Variants in ATXN1 observed in about 807,000 individuals in gnomAD.
ATXN1 encodes the protein ataxin 1.
In ATXN1, 8 loss-of-function variants were observed where a neutral mutation model predicts 56.4. The observed-to-expected ratio is 0.14, with a 90% CI of 0.08 to 0.26. The LOEUF is 0.26. ATXN1 is among the 10% of genes least tolerant of loss of function. The pLI is 1.00. For synonymous variants in ATXN1, 514 were observed against 494.6 expected (o/e 1.04, Z -0.52); for missense variants, 987 against 1,106.5 (o/e 0.89, Z 1.53).
At chr6:16,719,314 T>C (rs1161517405) in intron 2 of ATXN1, among the ~76,000 whole-genome samples, 2 of 152,224 alleles carry the variant, frequency 1.3e-5, no homozygotes, top group Admixed American at 6.5e-5. Context: ...AAAGAGCAAC[T>C]TTATTTCATT....
chr6:16,337,304 C>T lies in ATXN1; in HGVS notation c.-160-8834G>A, dbSNP rs987215957. Among the ~76,000 whole-genome samples, 4 of 152,214 alleles carry T rather than the reference C, an allele frequency of 2.6e-5. No individual in the cohort carries two copies. In the East Asian group the frequency reaches 7.7e-4, roughly 29 times the overall value. The stretch of plus-strand genomic sequence containing the variant: ...TCTGCCACCCCTGGAAACATCAGGA[C>T]ATCGGCCATGTGGCTGGGGTCCCCC... On this transcript the variant is annotated intron_variant, in intron 6 of 7. Transcript: ENST00000436367.
intron 4 of ATXN1, among the ~76,000 whole-genome samples, chr6:16,573,613 T>A (rs182932): frequency 0.028 from 4,188 of 152,258 alleles, 167 homozygotes; most frequent in African/African-American, 0.094. Flanking sequence ...CCTCCTGCAT[T>A]AACTTCACAT....
At chr6:16,722,336 A>G (rs1258635450) in intron 2 of ATXN1, among the ~76,000 whole-genome samples, 1 of 152,230 alleles carries the variant, frequency 6.6e-6, no homozygotes, top group Non-Finnish European at 1.5e-5. Flanking sequence ...AGAAAATGAA[A>G]TCTTGAGCTT....
intron 2 of ATXN1, among the ~76,000 whole-genome samples, chr6:16,735,695 G>A (rs1448503662): frequency 6.6e-6 from 1 of 152,134 alleles, no homozygotes; most frequent in Non-Finnish European, 1.5e-5. Flanking sequence ...AATACATTAA[G>A]TCCTAATATC....
chr6:16,435,768 TG>T (rs760401388), intron 6 of ATXN1, among the ~76,000 whole-genome samples: 13 of 152,182 alleles, frequency 8.5e-5, no homozygotes, highest in Non-Finnish European at 1.9e-4. Flanking sequence ...GGAAGTGGAC[TG>T]TTAGGGCCCA....
intron 4 of ATXN1, among the ~76,000 whole-genome samples, chr6:16,578,614 C>T (rs561983984): frequency 1.3e-5 from 2 of 152,286 alleles, no homozygotes; most frequent in South Asian, 4.1e-4. Context: ...CAGCTGAGTA[C>T]TTTCTGATGT....
chr6:16,634,763 T>C (rs1763563910), intron 3 of ATXN1, among the ~76,000 whole-genome samples: 1 of 152,222 alleles, frequency 6.6e-6, no homozygotes, highest in African/African-American at 2.4e-5. Flanking sequence ...TTTTTCCTGA[T>C]CAATATTCCA....
chr6:16,641,948 C>T (rs527933880), intron 3 of ATXN1, among the ~76,000 whole-genome samples: 78 of 152,154 alleles, frequency 5.1e-4, no homozygotes, highest in African/African-American at 1.6e-3. Context: ...TTCAAGACTT[C>T]GGTGGAGGAA....
chr6:16,482,795 T>C (rs999349875), intron 6 of ATXN1, among the ~76,000 whole-genome samples: 4 of 152,194 alleles, frequency 2.6e-5, no homozygotes, highest in African/African-American at 9.7e-5. Flanking sequence ...GTAATAACTC[T>C]TTTTTTCTTT....
At chr6:16,404,677 C>A (rs1214996133) in intron 6 of ATXN1, among the ~76,000 whole-genome samples, 1 of 150,760 alleles carries the variant, frequency 6.6e-6, no homozygotes, top group Admixed American at 6.6e-5. Flanking sequence ...GTGCACCATA[C>A]GCACATGCAC....
chr6:16,708,828 C>T (rs545331541), intron 2 of ATXN1, among the ~76,000 whole-genome samples: 1 of 152,212 alleles, frequency 6.6e-6, no homozygotes, highest in East Asian at 1.9e-4. Context: ...GAGTTCAAGA[C>T]CAGCCTGGCC....
At chr6:16,417,615 T>C (rs1758939915) in intron 6 of ATXN1, among the ~76,000 whole-genome samples, 1 of 151,952 alleles carries the variant, frequency 6.6e-6, no homozygotes, top group African/African-American at 2.4e-5. Context: ...ATTTTTTGTA[T>C]ATTTACTAGA....
At chr6:16,637,569 C>T (rs1045917554) in intron 3 of ATXN1, among the ~76,000 whole-genome samples, 7 of 152,022 alleles carry the variant, frequency 4.6e-5, no homozygotes, top group African/African-American at 1.7e-4. Flanking sequence ...AAGTCAACAG[C>T]TGTTTCTCCA....
intron 6 of ATXN1, among the ~76,000 whole-genome samples, chr6:16,387,208 A>C (rs1160878668): frequency 6.6e-6 from 1 of 152,052 alleles, no homozygotes; most frequent in Non-Finnish European, 1.5e-5. Flanking sequence ...AGCACTCTCA[A>C]CTAACCATGA....
At chr6:16,554,771 A>C (rs1045345679) in intron 4 of ATXN1, among the ~76,000 whole-genome samples, 1 of 151,590 alleles carries the variant, frequency 6.6e-6, no homozygotes, top group Non-Finnish European at 1.5e-5. Context: ...TTGTATTTTT[A>C]GTAGAGATAG....
intron 6 of ATXN1, among the ~76,000 whole-genome samples, chr6:16,346,993 C>T (rs1196580421): frequency 2.0e-5 from 3 of 152,364 alleles, no homozygotes; most frequent in South Asian, 4.1e-4. Flanking sequence ...CGGACCCCGC[C>T]GGCCCTAGGG....
chr6:16,751,891 A>G lies in ATXN1; in HGVS notation c.-615+1342T>C, dbSNP rs143782957. ...CTATTCTACCCACAGTATATCTACT[A>G]TTTTACTCCAGTCCATCCTCACAGC... On this transcript the variant is annotated intron_variant, in intron 2 of 7. Transcript: ENST00000436367. 2.6e-5 allele frequency among the ~76,000 whole-genome samples: 4 copies of G among 152,342 alleles called. No individual in the cohort carries two copies. The East Asian group carries it at 7.7e-4, about 29-fold the overall frequency.
chr6:16,487,854 G>A (rs1376370313), intron 5 of ATXN1, among the ~76,000 whole-genome samples: 5 of 152,144 alleles, frequency 3.3e-5, no homozygotes, highest in Non-Finnish European at 7.4e-5. Context: ...ACTAACATTC[G>A]AACAGGAAAG....
At chr6:16,684,316 G>A (rs1197171121) in intron 2 of ATXN1, among the ~76,000 whole-genome samples, 1 of 152,096 alleles carries the variant, frequency 6.6e-6, no homozygotes, top group African/African-American at 2.4e-5. Context: ...TGTTTTCTAG[G>A]GACTTATTGA....
Sources: allele counts gnomAD v4.1 joint callset (sites outside exome capture counted in the v4.1 genomes callset), GRCh38; gene constraint gnomAD v4.1.1; transcripts MANE v1.5; gene names NCBI Gene and HGNC (gene_info 2026-07-23, HGNC 2026-07-21).